Variants in PDE4B observed in about 807,000 individuals in gnomAD.
PDE4B encodes phosphodiesterase 4B.
A neutral mutation model predicts 82.2 loss-of-function variants in PDE4B; 20 were observed. That is an observed-to-expected ratio of 0.24 (90% confidence interval 0.17 to 0.35). The LOEUF is 0.35. Ranked by LOEUF, PDE4B falls within the 10% of genes least tolerant of loss-of-function variation. PDE4B has a pLI of 1.00. For missense variants in PDE4B, 655 were observed against 907.2 expected (o/e 0.72, Z 3.57); for synonymous variants, 320 against 318.9 (o/e 1.00, Z -0.04).
intron 1 of PDE4B, among the ~76,000 whole-genome samples, chr1:65,825,868 C>T (rs777828947): frequency 1.3e-4 from 20 of 151,972 alleles, no homozygotes; most frequent in Non-Finnish European, 2.4e-4. Flanking sequence ...CAACTTCTTA[C>T]TCATCTTCCT....
chr1:65,992,372 T>C (rs1418703737), intron 3 of PDE4B: 1 of 152,374 alleles, frequency 6.6e-6, no homozygotes, highest in African/African-American at 2.4e-5. Context: ...GGAGTTACTG[T>C]TGTGTGCATT....
intron 3 of PDE4B, among the ~76,000 whole-genome samples, chr1:66,052,721 C>T (rs1042176095): frequency 7.2e-5 from 11 of 152,050 alleles, no homozygotes; most frequent in Non-Finnish European, 1.5e-5. Context: ...AGAGAGAGCA[C>T]CTATAACTCC....
At chr1:65,981,924 G>A (rs529968520) in intron 3 of PDE4B, among the ~76,000 whole-genome samples, 1 of 152,132 alleles carries the variant, frequency 6.6e-6, no homozygotes, top group Non-Finnish European at 1.5e-5. Flanking sequence ...ATTTTTGGAC[G>A]TCTAGCTCCC....
intron 1 of PDE4B, among the ~76,000 whole-genome samples, chr1:65,900,289 G>T (rs1646957539): frequency 6.6e-6 from 1 of 151,844 alleles, no homozygotes. Context: ...CTTTATTTCT[G>T]GTTTCTCTAT....
chr1:66,288,687 G>T (rs1018473993), intron 7 of PDE4B, among the ~76,000 whole-genome samples: 1 of 152,114 alleles, frequency 6.6e-6, no homozygotes, highest in African/African-American at 2.4e-5. Context: ...ATATGGGTTT[G>T]TGGGCTAGAA....
At chr1:65,987,722 C>T (rs896844643) in intron 3 of PDE4B, among the ~76,000 whole-genome samples, 1 of 152,166 alleles carries the variant, frequency 6.6e-6, no homozygotes, top group Non-Finnish European at 1.5e-5. Context: ...CAGTAATTCT[C>T]CTGCCTCAGC....
At chr1:66,153,536 G>T (rs568910634) in intron 3 of PDE4B, among the ~76,000 whole-genome samples, 13 of 151,988 alleles carry the variant, frequency 8.6e-5, no homozygotes, top group Non-Finnish European at 1.8e-4. Context: ...TTCCCAAAAG[G>T]GTATAGAGCT....
At chr1:66,196,682 C>A (rs1014904934) in intron 3 of PDE4B, among the ~76,000 whole-genome samples, 1 of 151,914 alleles carries the variant, frequency 6.6e-6, no homozygotes. Flanking sequence ...AATTGGAAAT[C>A]ATCATTCTCA....
chr1:66,051,943 A>G (rs2100864142), intron 3 of PDE4B, among the ~76,000 whole-genome samples: 1 of 152,218 alleles, frequency 6.6e-6, no homozygotes, highest in East Asian at 1.9e-4. Context: ...GCCTACTTTC[A>G]TAGCTGATGA....
At chr1:66,251,003 A>G (rs1368178053) in intron 4 of PDE4B, among the ~76,000 whole-genome samples, 1 of 152,228 alleles carries the variant, frequency 6.6e-6, no homozygotes, top group Non-Finnish European at 1.5e-5. Context: ...AGCAGAAATA[A>G]TAATCCACTT....
intron 1 of PDE4B, among the ~76,000 whole-genome samples, chr1:65,823,582 T>G (rs2101254439): frequency 6.6e-6 from 1 of 152,242 alleles, no homozygotes; most frequent in Middle Eastern, 3.4e-3. Flanking sequence ...TTTACTGGTC[T>G]CTGAGCATCC....
chr1:66,332,025 T>C (rs2101915675), intron 7 of PDE4B: 1 of 1,047,302 alleles, frequency 9.5e-7, no homozygotes, highest in Non-Finnish European at 1.2e-6. Flanking sequence ...ACCCGAATTT[T>C]GACTGTTTCA....
chr1:65,922,098 A>G (rs1647270204), intron 3 of PDE4B, among the ~76,000 whole-genome samples: 1 of 152,224 alleles, frequency 6.6e-6, no homozygotes, highest in African/African-American at 2.4e-5. Flanking sequence ...TTTGTCATGG[A>G]GCAAGAAAGA....
chr1:66,218,988 G>A (rs964473435), intron 3 of PDE4B, among the ~76,000 whole-genome samples: 3 of 152,106 alleles, frequency 2.0e-5, no homozygotes, highest in Non-Finnish European at 2.9e-5. Flanking sequence ...TCTGCCAACA[G>A]TATTTGATAG....
chr1:65,879,407 A>G (rs1046840699), intron 1 of PDE4B, among the ~76,000 whole-genome samples: 2 of 152,222 alleles, frequency 1.3e-5, no homozygotes, highest in African/African-American at 4.8e-5. Context: ...TGACTGAAAT[A>G]TATATAAAAT....
intron 7 of PDE4B, among the ~76,000 whole-genome samples, chr1:66,296,693 G>A (rs983304108): frequency 2.0e-5 from 3 of 152,096 alleles, no homozygotes; most frequent in Non-Finnish European, 4.4e-5. Context: ...TCAGTTCATT[G>A]TCATGAACTT....
In PDE4B at chr1:66,260,773, G is replaced by C. The variant is rs574767553; in HGVS notation, c.584+2910G>C. On this transcript the variant is annotated intron_variant, in intron 6 of 16. Transcript: ENST00000341517. ...GCCTTTCCAAACCCTTGAGGGTTTT[G>C]GTCCTTGTGAACTTTTAGGAACCAA... Among the ~76,000 whole-genome samples, 7 of 152,232 alleles carry C rather than the reference G, an allele frequency of 4.6e-5. No homozygotes were observed. The South Asian group carries it at 1.5e-3, about 32-fold the overall frequency.
chr1:65,902,217 C>T (rs1193650488), intron 1 of PDE4B, among the ~76,000 whole-genome samples: 1 of 151,924 alleles, frequency 6.6e-6, no homozygotes, highest in Non-Finnish European at 1.5e-5. Flanking sequence ...TGTGGTTGAT[C>T]TTAGAGTAGC....
intron 7 of PDE4B, among the ~76,000 whole-genome samples, chr1:66,286,165 G>A (rs531495919): frequency 1.0e-3 from 152 of 152,278 alleles, no homozygotes; most frequent in African/African-American, 3.2e-3. Context: ...GGTAATTGAA[G>A]TCTACTAGTC....
Sources: allele counts gnomAD v4.1 joint callset (sites outside exome capture counted in the v4.1 genomes callset), GRCh38; gene constraint gnomAD v4.1.1; transcripts MANE v1.5; gene names NCBI Gene and HGNC (gene_info 2026-07-23, HGNC 2026-07-21).